ZNF138: variants seen among roughly 807,000 people sequenced by gnomAD.
ZNF138 encodes zinc finger protein 138 (clone pHZ-32).
In ZNF138, 33 loss-of-function variants were observed where a neutral mutation model predicts 33.0. That is an observed-to-expected ratio of 1.00 (90% CI 0.76 to 1.34). The LOEUF is 1.34. ZNF138 is among the 40% of genes most tolerant of loss of function. The pLI is 0.00. For synonymous variants in ZNF138, 139 were observed against 120.4 expected, an observed-to-expected ratio of 1.15 and a Z score of -1.01; for missense variants, 360 against 370.8, an observed-to-expected ratio of 0.97 and a Z score of 0.24.
chr7:64,795,067 C>G (rs1338658154), intron 1 of ZNF138, among the ~76,000 whole-genome samples: 1 of 152,082 alleles, frequency 6.6e-6, no homozygotes, highest in African/African-American at 2.4e-5. Context: ...GAAGGAAACA[C>G]TTGTATAAGG....
In ZNF138 at chr7:64,808,182, G is replaced by A. The variant is rs147835261; in HGVS notation, c.4-6736G>A. The stretch of plus-strand genomic sequence containing the variant: ...GGCTGACAAGAGTGGTTAATTCTGC[G>A]TCTGTCTCAGTGTAAGAGAAATGAG... On this transcript the variant is annotated intron_variant, in intron 1 of 3. Transcript: ENST00000307355. 1.2e-3 allele frequency among the ~76,000 whole-genome samples: 181 copies of A among 152,142 alleles called. 1 individual carries two copies. The East Asian group carries it at 0.022, about 19-fold the overall frequency.
chr7:64,854,121 G>A, the ZNF138 span, among the ~76,000 whole-genome samples: 7 of 152,090 alleles, frequency 4.6e-5, no homozygotes, highest in African/African-American at 1.7e-4. Flanking sequence ...ATTGTTTAAT[G>A]TTTTTGTGAA....
Position 64,832,469 on chromosome 7 carries a change from T to A in ZNF138, c.*267T>A. 1 of 1,318,710 alleles carries A rather than the reference T, an allele frequency of 7.6e-7. No individual in the cohort carries two copies. Among genetic ancestry groups the A allele is most frequent in the Non-Finnish European group, 1.0e-6 (1 of 997,998 alleles). The allele number at this position is 1,318,710 out of a possible 1,614,324, so 81.7% of individuals were successfully genotyped here. A position where few individuals can be genotyped will look rare whatever the true frequency, so the allele number is the denominator to read the frequency against. On this transcript the variant is annotated 3_prime_UTR_variant, in exon 4 of 4. Coordinates refer to ENST00000307355, the MANE Select transcript of ZNF138 (RefSeq NM_001271639.2). ...ACCGATACTCAATCCTTAGTACACA[T>A]AAGAAAATTCATACTGGGGAGAAAC... is the stretch of plus-strand genomic sequence containing the variant.
intron 1 of ZNF138, among the ~76,000 whole-genome samples, chr7:64,806,507 C>T (rs1189429338): frequency 6.6e-6 from 1 of 152,206 alleles, no homozygotes; most frequent in Admixed American, 6.5e-5. Flanking sequence ...ATGACACCTG[C>T]TGCTACTCCA....
chr7:64,833,955 A>T (rs1790289076), downstream of ZNF138, among the ~76,000 whole-genome samples: 1 of 152,174 alleles, frequency 6.6e-6, no homozygotes, highest in Non-Finnish European at 1.5e-5. Context: ...CGAACTCCTG[A>T]CTTGAAATGA....
intron 1 of ZNF138, among the ~76,000 whole-genome samples, chr7:64,796,024 A>G (rs1421097999): frequency 6.6e-6 from 1 of 152,204 alleles, no homozygotes; most frequent in African/African-American, 2.4e-5. Flanking sequence ...TCCTTTGAAA[A>G]GCAAACCCTT....
chr7:64,799,741 T>C (rs1218014472), intron 1 of ZNF138, among the ~76,000 whole-genome samples: 1 of 152,132 alleles, frequency 6.6e-6, no homozygotes, highest in Non-Finnish European at 1.5e-5. Flanking sequence ...CCTCCCGGGT[T>C]CAAACGATTC....
chr7:64,804,337 A>AC (rs994382084), intron 1 of ZNF138, among the ~76,000 whole-genome samples: 3 of 149,832 alleles, frequency 2.0e-5, no homozygotes, highest in South Asian at 2.1e-4. Flanking sequence ...CCAGTCATGT[A>AC]CCCCCTGCTT....
intron 1 of ZNF138, among the ~76,000 whole-genome samples, chr7:64,805,615 A>T (rs966502064): frequency 1.3e-5 from 2 of 152,148 alleles, no homozygotes; most frequent in Non-Finnish European, 2.9e-5. Context: ...TCAAGGGAAG[A>T]TGGTAAAAGT....
chr7:64,831,665 TAATA>T lies in ZNF138; in HGVS notation c.428_431del (p.Lys143MetfsTer2), dbSNP rs773501328. 2.5e-6 allele frequency: 4 copies of T among 1,608,838 alleles called. No individual in the cohort carries two copies. Among genetic ancestry groups the T allele is most frequent in the South Asian group, 2.2e-5 (2 of 89,724 alleles). ...TTACCACAAGCAAAATATTTCAATG[TAATA>T]AATATGTAAAAGTCATGCATAAATT... On this transcript the variant is annotated frameshift_variant, in exon 4 of 4. Coordinates refer to ENST00000307355, the MANE Select transcript of ZNF138 (RefSeq NM_001271639.2). LOFTEE classifies it high-confidence loss of function.
intron 1 of ZNF138, among the ~76,000 whole-genome samples, chr7:64,803,354 CA>C (rs929369316): frequency 1.0e-4 from 15 of 149,710 alleles, no homozygotes; most frequent in Non-Finnish European, 2.1e-4. Flanking sequence ...AAAAGTTGAG[CA>C]CAAAGATAGG....
At chr7:64,839,447 A>C in the ZNF138 span, among the ~76,000 whole-genome samples, 1 of 152,098 alleles carries the variant, frequency 6.6e-6, no homozygotes. Flanking sequence ...GCTACTTCAG[A>C]CACAGACGTC....
intron 1 of ZNF138, among the ~76,000 whole-genome samples, chr7:64,805,413 A>AAAC (rs113598762): frequency 1.4e-4 from 17 of 123,562 alleles, no homozygotes; most frequent in South Asian, 5.1e-4. Context: ...AAACAAAACA[A>AAAC]AAAAAAAAAC....
intron 1 of ZNF138, among the ~76,000 whole-genome samples, chr7:64,811,692 A>G (rs1788189648): frequency 6.6e-6 from 1 of 152,226 alleles, no homozygotes; most frequent in African/African-American, 2.4e-5. Context: ...AGCCAGCAAA[A>G]AATATGAAAA....
the ZNF138 span, among the ~76,000 whole-genome samples, chr7:64,860,748 C>T: frequency 6.6e-6 from 1 of 152,060 alleles, no homozygotes; most frequent in African/African-American, 2.4e-5. Context: ...TTGTAAGTAA[C>T]AATGAAAATT....
chr7:64,804,288 CCTGTT>C (rs1787394380), intron 1 of ZNF138, among the ~76,000 whole-genome samples: 1 of 152,206 alleles, frequency 6.6e-6, no homozygotes, highest in South Asian at 2.1e-4. Flanking sequence ...AAATCCCTGT[CCTGTT>C]CTGTTCCGTT....
intron 1 of ZNF138, among the ~76,000 whole-genome samples, chr7:64,808,723 G>A (rs1255705930): frequency 1.4e-5 from 2 of 143,798 alleles, no homozygotes; most frequent in African/African-American, 2.5e-5. Flanking sequence ...GGTTTTCCTA[G>A]GCAGAGGACC....
At chr7:64,830,799 TG>T in intron 3 of ZNF138, 2 of 989,556 alleles carry the variant, frequency 2.0e-6, no homozygotes, top group Non-Finnish European at 2.8e-6. Flanking sequence ...ACCATTTGTC[TG>T]GCTAAAGATT....
chr7:64,814,348 G>A (rs1053093414), intron 1 of ZNF138, among the ~76,000 whole-genome samples: 5 of 152,198 alleles, frequency 3.3e-5, no homozygotes, highest in African/African-American at 1.2e-4. Flanking sequence ...GGACATGTTT[G>A]TGTTTATGCC....
Sources: gnomAD v4.1 joint callset for allele counts (sites outside exome capture counted in the v4.1 genomes callset) on GRCh38, gnomAD v4.1.1 for gene constraint, MANE v1.5 for transcripts, NCBI Gene and HGNC (gene_info 2026-07-23, HGNC 2026-07-21) for gene names.